SUFU: variants seen among roughly 807,000 people sequenced by gnomAD.
SUFU encodes SUFU negative regulator of hedgehog signaling.
Under a neutral mutation model 58.9 loss-of-function variants are expected in SUFU, and 7 were observed. That is an observed-to-expected ratio of 0.12 (90% CI 0.07 to 0.22). The LOEUF is 0.22. Ranked by LOEUF, SUFU falls within the 10% of genes least tolerant of loss-of-function variation. The pLI, the probability that SUFU is intolerant of heterozygous loss-of-function variation, is 1.00. For synonymous variants in SUFU, 232 were observed against 254.8 expected, an observed-to-expected ratio of 0.91 and a Z score of 0.85; for missense variants, 451 against 641.3, an observed-to-expected ratio of 0.70 and a Z score of 3.20.
At chr10:102,556,076 G>C (rs1300703816) in intron 3 of SUFU, among the ~76,000 whole-genome samples, 1 of 152,210 alleles carries the variant, frequency 6.6e-6, no homozygotes, top group African/African-American at 2.4e-5. Context: ...CCAGATCTAA[G>C]TGACATCCGC....
At chr10:102,565,268 A>AT (rs2063075713) in intron 3 of SUFU, among the ~76,000 whole-genome samples, 1 of 152,040 alleles carries the variant, frequency 6.6e-6, no homozygotes, top group Non-Finnish European at 1.5e-5. Context: ...TGACTTAGAG[A>AT]ATGTTTTCCA....
chr10:102,612,629 T>C (rs1590079322), intron 8 of SUFU, among the ~76,000 whole-genome samples: 1 of 152,318 alleles, frequency 6.6e-6, no homozygotes, highest in East Asian at 1.9e-4. Context: ...GCCTGCACCA[T>C]AGAGGCTGGG....
rs1054717778 is a variant in SUFU, at chr10:102,632,508, G to C, written c.*2353G>C. 2 of 233,302 alleles carry C rather than the reference G, an allele frequency of 8.6e-6. No homozygotes were observed. The highest frequency in any genetic ancestry group is 1.7e-5 in the Non-Finnish European group (2 of 118,174). 14.5% of individuals were successfully genotyped at this position (233,302 alleles called of 1,614,324 possible). A position where few individuals can be genotyped will look rare whatever the true frequency, so the allele number is the denominator to read the frequency against. On this transcript the variant is annotated 3_prime_UTR_variant, in exon 12 of 12. Transcript: ENST00000369902. ...TTCCTATGGGCATTGGTGCCTCCCA[G>C]AGGTTTCTTGGGCTGCTGGCTGGTG...
chr10:102,621,642 C>T (rs2135944243), intron 10 of SUFU, among the ~76,000 whole-genome samples: 1 of 152,352 alleles, frequency 6.6e-6, no homozygotes, highest in Admixed American at 6.5e-5. Context: ...GCCTCCTCCA[C>T]TGCCATCGTG....
intron 3 of SUFU, among the ~76,000 whole-genome samples, chr10:102,558,459 C>A (rs1237257434): frequency 6.6e-6 from 1 of 152,238 alleles, no homozygotes; most frequent in African/African-American, 2.4e-5. Flanking sequence ...GCTCTACCCA[C>A]TTTGGCCACC....
At chr10:102,586,662 GACTCCGT>G (rs1349010757) in intron 3 of SUFU, among the ~76,000 whole-genome samples, 1 of 152,170 alleles carries the variant, frequency 6.6e-6, no homozygotes, top group Non-Finnish European at 1.5e-5. Flanking sequence ...GACAGAGCGA[GACTCCGT>G]CTCAAAAAAA....
At chr10:102,534,372 A>G (rs1012437900) in intron 2 of SUFU, among the ~76,000 whole-genome samples, 2 of 152,266 alleles carry the variant, frequency 1.3e-5, no homozygotes, top group Non-Finnish European at 2.9e-5. Context: ...GCTTGTGGTG[A>G]GCCAAGATCG....
At chr10:102,519,817 G>T (rs1260607007) in intron 2 of SUFU, among the ~76,000 whole-genome samples, 1 of 152,016 alleles carries the variant, frequency 6.6e-6, no homozygotes, top group Non-Finnish European at 1.5e-5. Flanking sequence ...TGTCGCTCAG[G>T]CTGGAATGCG....
chr10:102,617,567 G>C lies in SUFU; in HGVS notation c.1296+139G>C. ...ATGCCTCATGGATTCAGGGCCTGGG[G>C]CCTGTGTGTAGGTATGGAGTGTGGA... is the stretch of plus-strand genomic sequence containing the variant. On this transcript the variant is annotated intron_variant, in intron 10 of 11. Coordinates refer to ENST00000369902, the MANE Select transcript of SUFU (RefSeq NM_016169.4). This position sits in a 1 kb window ranked among gnomAD's most constrained non-coding sequence, Gnocchi z 4.4. The C allele has an allele frequency of 8.2e-7, 1 of 1,225,622 alleles. No individual in the cohort carries two copies. Among genetic ancestry groups the C allele is most frequent in the Non-Finnish European group, 1.2e-6 (1 of 846,584 alleles). The allele number at this position is 1,225,622 out of a possible 1,614,324, so 75.9% of individuals were successfully genotyped here. A position where few individuals can be genotyped will look rare whatever the true frequency, so the allele number is the denominator to read the frequency against.
intron 2 of SUFU, among the ~76,000 whole-genome samples, chr10:102,515,523 C>T (rs1372772356): frequency 6.6e-6 from 1 of 152,010 alleles, no homozygotes; most frequent in Non-Finnish European, 1.5e-5. Context: ...ACCATGTTGG[C>T]CGGGCTGGTC....
At chr10:102,538,909 T>G (rs1013248019) in intron 2 of SUFU, among the ~76,000 whole-genome samples, 2 of 152,226 alleles carry the variant, frequency 1.3e-5, no homozygotes, top group African/African-American at 4.8e-5. Context: ...GATTTGGGCA[T>G]AGGCAGCCTG....
intron 2 of SUFU, among the ~76,000 whole-genome samples, chr10:102,512,566 C>G (rs1398232774): frequency 5.9e-5 from 9 of 152,196 alleles, no homozygotes. Flanking sequence ...TGGTTTAATA[C>G]TATCCTCTTA....
At position 102,597,256 on chromosome 10, in the gene SUFU, C is replaced by T. The variant is rs763453891; in HGVS notation, c.873C>T (p.Ile291=). 4.0e-5 allele frequency: 64 copies of T among 1,613,916 alleles called. No individual in the cohort carries two copies. Among genetic ancestry groups the T allele is most frequent in the Non-Finnish European group, 5.1e-5 (60 of 1,180,034 alleles). Residue 291 remains isoleucine (I), a synonymous_variant, in exon 7 of 12, where the codon ATC becomes ATT. Coordinates refer to ENST00000369902, the MANE Select transcript of SUFU (RefSeq NM_016169.4). ...AGGATGACGAGGACAGCCGGAGCAT[C>T]TGCATCGGCACACAGCCCCGGCGAC... ...PPEDDEDSRS[I]CIGTQPRRLS...
intron 4 of SUFU, among the ~76,000 whole-genome samples, chr10:102,593,434 C>T (rs1276682117): frequency 6.6e-6 from 1 of 152,148 alleles, no homozygotes; most frequent in Non-Finnish European, 1.5e-5. Flanking sequence ...GCCTCAGGGC[C>T]CACATGTGGA....
chr10:102,549,656 C>T (rs554282628), intron 2 of SUFU, among the ~76,000 whole-genome samples: 1 of 152,306 alleles, frequency 6.6e-6, no homozygotes, highest in African/African-American at 2.4e-5. Context: ...AGCAGTGTTG[C>T]CTCAATCATC....
rs541270300 is a variant in SUFU at position 102,628,920 on chromosome 10, C to T, written c.1366-1146C>T. On this transcript the variant is annotated intron_variant, in intron 11 of 11. Transcript: ENST00000369902. The surrounding 1 kb of genome is among the most constrained non-coding windows in gnomAD (Gnocchi z 4.5). The stretch of plus-strand genomic sequence containing the variant: ...TCTGTAATCCCAGCACTTTGGGAGG[C>T]CGAGGCAGGTGGATCACCTGAGGTC... 8.5e-5 allele frequency among the ~76,000 whole-genome samples: 13 copies of T among 152,238 alleles called. No homozygotes were observed. In the East Asian group the frequency reaches 2.5e-3, roughly 29 times the overall value.
intron 3 of SUFU, among the ~76,000 whole-genome samples, chr10:102,568,947 T>A (rs199932596): frequency 2.4e-5 from 2 of 82,542 alleles, no homozygotes; most frequent in Admixed American, 1.7e-4. Context: ...TATATATATA[T>A]ATATATATAT....
chr10:102,510,549 C>T (rs2062388596), intron 2 of SUFU, among the ~76,000 whole-genome samples: 1 of 151,002 alleles, frequency 6.6e-6, no homozygotes, highest in Admixed American at 6.6e-5. Flanking sequence ...TGGCTGGGCA[C>T]AGTGGCTCAT....
rs2063802342 is a variant in SUFU at position 102,628,080 on chromosome 10, C to G, written c.1365+837C>G. Among the ~76,000 whole-genome samples, 1 of 152,156 alleles carries G rather than the reference C, an allele frequency of 6.6e-6. No homozygotes were observed. Among genetic ancestry groups the G allele is most frequent in the Non-Finnish European group, 1.5e-5 (1 of 68,016 alleles). ...TGGCAGAGGCAGACCCTTCCCTTGTCCTGTCTGCCAGGAAATGTGCTTGGG... is the reference window on the plus strand; with the variant it reads ...TGGCAGAGGCAGACCCTTCCCTTGTGCTGTCTGCCAGGAAATGTGCTTGGG... On this transcript the variant is annotated intron_variant, in intron 11 of 11. Coordinates refer to ENST00000369902, the MANE Select transcript of SUFU (RefSeq NM_016169.4). The surrounding 1 kb of genome is among the most constrained non-coding windows in gnomAD (Gnocchi z 4.5).
Sources: gnomAD v4.1 joint callset for allele counts (sites outside exome capture counted in the v4.1 genomes callset) on GRCh38, gnomAD v4.1.1 for gene constraint, Gnocchi (gnomAD v3.1) non-coding constraint, MANE v1.5 for transcripts, NCBI Gene and HGNC (gene_info 2026-07-23, HGNC 2026-07-21) for gene names.